Variants in EDARADD observed in about 807,000 individuals in gnomAD.
EDARADD encodes EDAR associated via death domain.
In EDARADD, 20 loss-of-function variants were observed where a neutral mutation model predicts 25.6. The observed-to-expected ratio is 0.78, with a 90% CI of 0.55 to 1.14. EDARADD has a LOEUF of 1.14. Ranked by LOEUF, EDARADD falls within the 50% of genes most tolerant of loss-of-function variation. The pLI is 0.00. For synonymous variants in EDARADD, 86 were observed against 94.4 expected, an observed-to-expected ratio of 0.91 and a Z score of 0.52; for missense variants, 225 against 270.1, an observed-to-expected ratio of 0.83 and a Z score of 1.17.
intron 4 of EDARADD, among the ~76,000 whole-genome samples, chr1:236,461,642 C>A (rs1335622700): frequency 1.3e-5 from 2 of 152,096 alleles, no homozygotes; most frequent in Non-Finnish European, 2.9e-5. Flanking sequence ...AAGTCATAAG[C>A]GTGGGGAGCG....
Position 236,416,423 on chromosome 1 carries a change from A to C in EDARADD, c.160+2124A>C, listed in dbSNP as rs73123265. ...GAATGTCGTGGTGCCATCAGGCTCA[A>C]TATCTTTTTTTGTCACTCTTAAGTG... On this transcript the variant is annotated intron_variant, in intron 3 of 5. Coordinates refer to ENST00000334232, the MANE Select transcript of EDARADD (RefSeq NM_145861.4). Among the ~76,000 whole-genome samples, 23 of 152,326 alleles carry C rather than the reference A, an allele frequency of 1.5e-4. 1 individual carries two copies. In the South Asian group the frequency reaches 4.8e-3, roughly 32 times the overall value.
intron 4 of EDARADD, among the ~76,000 whole-genome samples, chr1:236,437,743 CTTTTTTTTTTTTTT>C (rs5781886): frequency 1.1e-5 from 1 of 88,108 alleles, no homozygotes; most frequent in African/African-American, 3.5e-5. Context: ...TTGGTTCCTT[CTTTTTTTTTTTTTT>C]TTTTTTTTGA....
chr1:236,385,254 A>G (rs541220336), intron 3 of EDARADD, among the ~76,000 whole-genome samples: 100 of 150,958 alleles, frequency 6.6e-4, no homozygotes, highest in Non-Finnish European at 1.2e-3. Flanking sequence ...CAAGAATCCA[A>G]AAAAATTAGC....
chr1:236,433,707 A>T (rs939785046), intron 4 of EDARADD, among the ~76,000 whole-genome samples: 4 of 151,720 alleles, frequency 2.6e-5, no homozygotes, highest in Non-Finnish European at 4.4e-5. Context: ...AATAAAATAA[A>T]ATAAATATAA....
chr1:236,361,802 C>T (rs187185249), intron 3 of EDARADD, among the ~76,000 whole-genome samples: 1 of 151,462 alleles, frequency 6.6e-6, no homozygotes, highest in Admixed American at 6.6e-5. Flanking sequence ...TTTGTTTATT[C>T]ATTCACCTAC....
chr1:236,456,943 A>C (rs569422468), intron 4 of EDARADD, among the ~76,000 whole-genome samples: 6 of 152,116 alleles, frequency 3.9e-5, no homozygotes, highest in Non-Finnish European at 5.9e-5. Context: ...GCTTAGGTGA[A>C]CCAGGACCAC....
chr1:236,367,093 A>AAAAAG (rs1303182170), intron 3 of EDARADD, among the ~76,000 whole-genome samples: 2 of 149,360 alleles, frequency 1.3e-5, no homozygotes, highest in East Asian at 2.0e-4. Flanking sequence ...CCAAAAAAAA[A>AAAAAG]AAAAAAAAAA....
rs1246045834 is a variant in EDARADD, at chr1:236,484,164, G to A, written c.*1515G>A. ...AAAGAGGACAGCCTCGGCCGTGAAT[G>A]AGAAGAAGTGCAACTGCCTCCTGCT... On this transcript the variant is annotated 3_prime_UTR_variant, in exon 6 of 6. Coordinates refer to ENST00000334232, the MANE Select transcript of EDARADD (RefSeq NM_145861.4). The surrounding 1 kb of genome is among the most constrained non-coding windows in gnomAD (Gnocchi z 4.1). 1 of 1,264,142 alleles carries A rather than the reference G, an allele frequency of 7.9e-7. No homozygotes were observed. Among genetic ancestry groups the A allele is most frequent in the Admixed American group, 1.7e-5 (1 of 59,368 alleles). 78.3% of individuals were successfully genotyped at this position (1,264,142 alleles called of 1,614,324 possible). A position where few individuals can be genotyped will look rare whatever the true frequency, so the allele number is the denominator to read the frequency against.
chr1:236,440,576 A>ATT (rs766197342), intron 4 of EDARADD, among the ~76,000 whole-genome samples: 1 of 142,718 alleles, frequency 7.0e-6, no homozygotes, highest in Non-Finnish European at 1.5e-5. Flanking sequence ...CAGATATTGC[A>ATT]TTTTTTTTTT....
At chr1:236,353,143 G>A (rs940885111) in intron 3 of EDARADD, among the ~76,000 whole-genome samples, 1 of 152,204 alleles carries the variant, frequency 6.6e-6, no homozygotes, top group African/African-American at 2.4e-5. Context: ...GCCTTGAACT[G>A]AGGCAGCCTC....
chr1:236,451,952 G>A (rs1032443295), intron 4 of EDARADD, among the ~76,000 whole-genome samples: 2 of 152,304 alleles, frequency 1.3e-5, no homozygotes, highest in Admixed American at 1.3e-4. Flanking sequence ...TACCTGAGCA[G>A]GTAAGAGGCC....
At chr1:236,454,248 C>CCT in intron 4 of EDARADD, among the ~76,000 whole-genome samples, 1 of 152,104 alleles carries the variant, frequency 6.6e-6, no homozygotes, top group Non-Finnish European at 1.5e-5. Context: ...CAGGGTTTCA[C>CCT]CCTGTTAGCC....
intron 4 of EDARADD, 56 bp from the exon 5 acceptor site, chr1:236,468,175 A>C (rs1186423945): frequency 3.3e-6 from 5 of 1,537,840 alleles, no homozygotes; most frequent in Non-Finnish European, 4.5e-6. Context: ...AAGATTGATA[A>C]TATCTCCATT....
At chr1:236,351,306 C>G (rs973970251) in intron 3 of EDARADD, among the ~76,000 whole-genome samples, 2 of 152,068 alleles carry the variant, frequency 1.3e-5, no homozygotes, top group African/African-American at 4.8e-5. Context: ...CAGGTTAAAG[C>G]AGAGGGGGCT....
intron 2 of EDARADD, among the ~76,000 whole-genome samples, chr1:236,410,369 A>G (rs192668162): frequency 1.1e-4 from 17 of 151,632 alleles, no homozygotes; most frequent in Middle Eastern, 3.4e-3. Context: ...TTTCTGAGTT[A>G]TTTCACTTGG....
At chr1:236,476,084 C>T (rs541612079) in intron 5 of EDARADD, among the ~76,000 whole-genome samples, 2 of 152,168 alleles carry the variant, frequency 1.3e-5, no homozygotes, top group Admixed American at 1.3e-4. Flanking sequence ...CTCAGCAACT[C>T]AGGAGGCTGA....
intron 4 of EDARADD, among the ~76,000 whole-genome samples, chr1:236,429,219 A>AT (rs754804481): frequency 0.037 from 4,494 of 122,118 alleles, 286 homozygotes; most frequent in African/African-American, 0.13. Flanking sequence ...AGAGGGAGAG[A>AT]TTTTTTTTTT....
At position 236,480,548 on chromosome 1, in the gene EDARADD, G is replaced by A. The variant is rs902031365; in HGVS notation, c.266-1719G>A. Among the ~76,000 whole-genome samples, 11 of 152,034 alleles carry A rather than the reference G, an allele frequency of 7.2e-5. No individual in the cohort carries two copies. The East Asian group carries it at 1.2e-3, about 16-fold the overall frequency. On this transcript the variant is annotated intron_variant, in intron 5 of 5. Coordinates refer to ENST00000334232, the MANE Select transcript of EDARADD (RefSeq NM_145861.4). ...CCCTTATGATCACCAGAGTTACTCCGTCGGTCCAAATTCTTTACCTTCCGA... is the reference window on the plus strand; with the variant it reads ...CCCTTATGATCACCAGAGTTACTCCATCGGTCCAAATTCTTTACCTTCCGA...
chr1:236,390,326 C>T (rs1051795314), upstream of EDARADD, among the ~76,000 whole-genome samples: 22 of 152,056 alleles, frequency 1.4e-4, no homozygotes, highest in East Asian at 5.8e-4. Flanking sequence ...GAGGCCGAGG[C>T]GGGCGGATCA....
Sources: gnomAD v4.1 joint callset for allele counts (sites outside exome capture counted in the v4.1 genomes callset) on GRCh38, gnomAD v4.1.1 for gene constraint, Gnocchi (gnomAD v3.1) non-coding constraint, MANE v1.5 for transcripts, NCBI Gene and HGNC (gene_info 2026-07-23, HGNC 2026-07-21) for gene names.